AKT3: variants seen among roughly 807,000 people sequenced by gnomAD.
AKT3 encodes AKT serine/threonine kinase 3, also known as RAC-gamma serine/threonine-protein kinase.
Under a neutral mutation model 65.3 loss-of-function variants are expected in AKT3, and 15 were observed. The observed-to-expected ratio is 0.23, with a 90% CI of 0.15 to 0.35. The LOEUF is 0.35. Among genes scored for constraint, AKT3 ranks in the 10% least tolerant of loss-of-function variants. The pLI is 1.00. For missense variants in AKT3, 243 were observed against 576.5 expected (o/e 0.42, Z 5.92); for synonymous variants, 206 against 183.8 (o/e 1.12, Z -0.98).
At chr1:243,595,792 C>G (rs1676567484) in intron 8 of AKT3, among the ~76,000 whole-genome samples, 1 of 152,140 alleles carries the variant, frequency 6.6e-6, no homozygotes. Context: ...TTTGGAATAT[C>G]ACCTGAAGGA....
chr1:243,788,203 T>C (rs1454739023), intron 2 of AKT3, among the ~76,000 whole-genome samples: 2 of 152,202 alleles, frequency 1.3e-5, no homozygotes, highest in Non-Finnish European at 2.9e-5. Flanking sequence ...ATATAGCTTA[T>C]TATACTTTGC....
intron 2 of AKT3, among the ~76,000 whole-genome samples, chr1:243,822,052 G>T (rs938941606): frequency 1.3e-5 from 2 of 152,102 alleles, no homozygotes; most frequent in Non-Finnish European, 2.9e-5. Flanking sequence ...CTAAGCAAAT[G>T]CAGGAAAACT....
At chr1:243,573,458 C>T (rs1278744633) in intron 8 of AKT3, among the ~76,000 whole-genome samples, 1 of 152,140 alleles carries the variant, frequency 6.6e-6, no homozygotes, top group African/African-American at 2.4e-5. Context: ...ATTTCAAAGA[C>T]AAGACTGTCA....
intron 6 of AKT3, among the ~76,000 whole-genome samples, chr1:243,618,531 A>T (rs931013460): frequency 3.3e-5 from 5 of 152,150 alleles, no homozygotes; most frequent in African/African-American, 1.2e-4. Flanking sequence ...GATGCCTTTT[A>T]AAAAATCCAT....
rs76999655 is a variant in AKT3, at chr1:243,764,496, G to A, written c.47-68780C>T. 7.1e-3 allele frequency among the ~76,000 whole-genome samples: 1,086 copies of A among 152,084 alleles called. 27 individuals carry two copies. In the East Asian group the frequency reaches 0.09, roughly 13 times the overall value. On this transcript the variant is annotated intron_variant, in intron 2 of 13. Coordinates refer to ENST00000673466, the MANE Select transcript of AKT3 (RefSeq NM_005465.7). Reference sequence around the variant, plus strand: ...TCTTAAAAGTATAATACACAAATACGTTGGTAGGAAATAGCTGTATTTTTA... The same window carrying A: ...TCTTAAAAGTATAATACACAAATACATTGGTAGGAAATAGCTGTATTTTTA...
chr1:243,685,624 CTTTGTTCT>C (rs1684235238), intron 3 of AKT3, among the ~76,000 whole-genome samples: 1 of 152,100 alleles, frequency 6.6e-6, no homozygotes, highest in Admixed American at 6.6e-5. Context: ...ATGCCTCCAG[CTTTGTTCT>C]TTTGGCTTAG....
At chr1:243,768,533 A>C (rs771221020) in intron 2 of AKT3, among the ~76,000 whole-genome samples, 1 of 152,130 alleles carries the variant, frequency 6.6e-6, no homozygotes, top group African/African-American at 2.4e-5. Flanking sequence ...TAGGTGCCAC[A>C]ACTTTTAAAA....
chr1:243,515,388 T>TA (rs35064713), intron 12 of AKT3, among the ~76,000 whole-genome samples: 14,799 of 143,332 alleles, frequency 0.1, 1,160 homozygotes, highest in African/African-American at 0.23. Flanking sequence ...TTTACCATGT[T>TA]AAAAAAAAAA....
chr1:243,730,410 C>T (rs535672742), intron 2 of AKT3, among the ~76,000 whole-genome samples: 29 of 152,320 alleles, frequency 1.9e-4, no homozygotes, highest in African/African-American at 7.0e-4. Context: ...GGGACCCACC[C>T]AACAGTGGGC....
At chr1:243,740,577 A>G (rs562537860) in intron 2 of AKT3, 2 of 152,316 alleles carry the variant, frequency 1.3e-5, no homozygotes, top group South Asian at 4.1e-4. Context: ...ATTTTTCTAA[A>G]TAAAGTTTTA....
chr1:243,593,394 T>C (rs1676369927), intron 8 of AKT3, among the ~76,000 whole-genome samples: 1 of 152,178 alleles, frequency 6.6e-6, no homozygotes, highest in African/African-American at 2.4e-5. Flanking sequence ...ATTTATCAAA[T>C]GTACAAACTA....
intron 3 of AKT3, among the ~76,000 whole-genome samples, chr1:243,685,054 C>G (rs1684190338): frequency 6.6e-6 from 1 of 152,016 alleles, no homozygotes; most frequent in Non-Finnish European, 1.5e-5. Flanking sequence ...GGATATTAGC[C>G]CTTTGACAGG....
In AKT3 at chr1:243,796,112, G is replaced by A. The variant is rs187287357; in HGVS notation, c.46+47013C>T. Among the ~76,000 whole-genome samples, 10 of 152,312 alleles carry A rather than the reference G, an allele frequency of 6.6e-5. No homozygotes were observed. In the East Asian group the frequency reaches 1.5e-3, roughly 23 times the overall value. On this transcript the variant is annotated intron_variant, in intron 2 of 13. Coordinates refer to ENST00000673466, the MANE Select transcript of AKT3 (RefSeq NM_005465.7). ...TTTTGTGCACTTACAGGTACTGTGT[G>A]ATTCCTCTGCAAAGTCAGTCACTAC... is the stretch of plus-strand genomic sequence containing the variant.
At chr1:243,835,485 A>G (rs1694839379) in intron 2 of AKT3, among the ~76,000 whole-genome samples, 1 of 152,188 alleles carries the variant, frequency 6.6e-6, no homozygotes, top group South Asian at 2.1e-4. Flanking sequence ...ACTACCTTAG[A>G]ACAATACCTA....
At chr1:243,742,000 G>A (rs1296289529) in intron 2 of AKT3, among the ~76,000 whole-genome samples, 1 of 149,308 alleles carries the variant, frequency 6.7e-6, no homozygotes, top group African/African-American at 2.5e-5. Context: ...GTTTGTGATA[G>A]GCCATTCTGA....
rs561700311 is a variant in AKT3 at position 243,685,417 on chromosome 1, C to G, written c.172+10174G>C. 2.6e-5 allele frequency among the ~76,000 whole-genome samples: 4 copies of G among 152,128 alleles called. 1 individual carries two copies. The highest frequency in any genetic ancestry group is 9.7e-5 in the African/African-American group (4 of 41,442). The stretch of plus-strand genomic sequence containing the variant: ...ATATGGCTAGCCAGTTTTCCCAACA[C>G]CATTTATTAAATAAGAGAATCCTTT... On this transcript the variant is annotated intron_variant, in intron 3 of 13. Coordinates refer to ENST00000673466, the MANE Select transcript of AKT3 (RefSeq NM_005465.7).
chr1:243,519,129 G>GA (rs1670549739), intron 12 of AKT3, among the ~76,000 whole-genome samples: 1 of 152,266 alleles, frequency 6.6e-6, no homozygotes, highest in South Asian at 2.1e-4. Context: ...ATTTGCAAGG[G>GA]AAAAAATTAA....
At chr1:243,725,040 C>T (rs1297662784) in intron 2 of AKT3, among the ~76,000 whole-genome samples, 1 of 126,934 alleles carries the variant, frequency 7.9e-6, no homozygotes, top group South Asian at 2.5e-4. Context: ...TTGTCTAGAC[C>T]AAAAAAAAAA....
intron 2 of AKT3, among the ~76,000 whole-genome samples, chr1:243,820,281 C>T (rs1030671436): frequency 4.6e-5 from 7 of 152,136 alleles, no homozygotes; most frequent in South Asian, 4.1e-4. Context: ...AAAGTCCCCA[C>T]AAAAATTCCA....
Sources: gnomAD v4.1 joint callset for allele counts (sites outside exome capture counted in the v4.1 genomes callset) on GRCh38, gnomAD v4.1.1 for gene constraint, MANE v1.5 for transcripts, NCBI Gene and HGNC (gene_info 2026-07-23, HGNC 2026-07-21) for gene names.